The following MGAT4A variants were observed in gnomAD, a reference collection of about 807,000 sequenced individuals.
MGAT4A encodes the protein N-acetylglucosaminyltransferase IVa.
A neutral mutation model predicts 74.1 loss-of-function variants in MGAT4A; 33 were observed. The observed-to-expected ratio is 0.45, with a 90% CI of 0.34 to 0.60. The LOEUF is 0.60. MGAT4A is among the 20% of genes least tolerant of loss of function. The pLI, the probability that MGAT4A is intolerant of heterozygous loss-of-function variation, is 0.02. For synonymous variants in MGAT4A, 198 were observed against 210.4 expected (o/e 0.94, Z 0.51); for missense variants, 479 against 628.3 (o/e 0.76, Z 2.54).
chr2:98,681,685 A>G (rs1702062259), intron 2 of MGAT4A, among the ~76,000 whole-genome samples: 1 of 152,162 alleles, frequency 6.6e-6, no homozygotes, highest in African/African-American at 2.4e-5. Flanking sequence ...GCCGGGCGTG[A>G]TAGCTCACCC....
At chr2:98,674,800 T>G (rs1348556640) in intron 4 of MGAT4A, among the ~76,000 whole-genome samples, 2 of 152,226 alleles carry the variant, frequency 1.3e-5, no homozygotes, top group Non-Finnish European at 2.9e-5. Flanking sequence ...AACATTTGTC[T>G]GCCTGGGATG....
In MGAT4A at chr2:98,649,147, A is replaced by C. The variant is rs1701538927; in HGVS notation, c.775-3605T>G. Among the ~76,000 whole-genome samples, 6 of 152,380 alleles carry C rather than the reference A, an allele frequency of 3.9e-5. No individual in the cohort carries two copies. In the South Asian group the frequency reaches 1.2e-3, roughly 32 times the overall value. ...GATATCTGAATAACAGGACTTCAAG[A>C]AGGGATTAAAAATCACACCAATCTG... is the stretch of plus-strand genomic sequence containing the variant. On this transcript the variant is annotated intron_variant, in intron 8 of 15. Transcript: ENST00000393487.
At chr2:98,668,850 G>A (rs1023597095) in intron 4 of MGAT4A, among the ~76,000 whole-genome samples, 2 of 152,232 alleles carry the variant, frequency 1.3e-5, no homozygotes, top group African/African-American at 4.8e-5. Context: ...AATCATTTTG[G>A]AACTTTGAGA....
chr2:98,724,489 A>C (rs1281566389), intron 2 of MGAT4A, among the ~76,000 whole-genome samples: 1 of 152,256 alleles, frequency 6.6e-6, no homozygotes, highest in Non-Finnish European at 1.5e-5. Context: ...TGGAAAAAAC[A>C]CCAAGTAGAA....
intron 13 of MGAT4A, among the ~76,000 whole-genome samples, chr2:98,635,768 GGATCACGAGGTCAGGA>G (rs752931920): frequency 2.6e-5 from 4 of 151,910 alleles, no homozygotes; most frequent in Non-Finnish European, 4.4e-5. Context: ...CGAGGCGGGT[GGATCACGAGGTCAGGA>G]GATCAAGACC....
intron 1 of MGAT4A, among the ~76,000 whole-genome samples, chr2:98,727,781 A>G (rs1702786857): frequency 6.6e-6 from 1 of 152,234 alleles, no homozygotes; most frequent in African/African-American, 2.4e-5. Flanking sequence ...TAGTAAAGAA[A>G]GATCACAGGG....
intron 1 of MGAT4A, among the ~76,000 whole-genome samples, chr2:98,730,691 A>C (rs1214736092): frequency 2.0e-5 from 3 of 147,542 alleles, no homozygotes; most frequent in Non-Finnish European, 4.5e-5. Flanking sequence ...CACGCCGGGG[A>C]GCGCCAGGAA....
intron 5 of MGAT4A, among the ~76,000 whole-genome samples, chr2:98,661,928 CATGAGAAAAT>C (rs6146855): frequency 0.56 from 84,156 of 151,592 alleles, 26,067 homozygotes; most frequent in African/African-American, 0.84. Flanking sequence ...AAAATATAAT[CATGAGAAAAT>C]ATCAGATAAA....
intron 14 of MGAT4A, among the ~76,000 whole-genome samples, chr2:98,630,284 A>T (rs1290129413): frequency 6.6e-6 from 1 of 152,174 alleles, no homozygotes; most frequent in East Asian, 1.9e-4. Flanking sequence ...AAACACACAC[A>T]CTCACGTGGA....
At chr2:98,720,278 GACTGAGGAAAGAACATGACCCTC>G (rs1272190547) in intron 2 of MGAT4A, among the ~76,000 whole-genome samples, 42 of 152,344 alleles carry the variant, frequency 2.8e-4, no homozygotes, top group Non-Finnish European at 5.9e-5. Flanking sequence ...TGAATCTGTA[GACTGAGGAAAGAACATGACCCTC>G]ACCAATGTGG....
chr2:98,692,146 G>A (rs1469032218), intron 2 of MGAT4A, among the ~76,000 whole-genome samples: 1 of 152,116 alleles, frequency 6.6e-6, no homozygotes, highest in Non-Finnish European at 1.5e-5. Flanking sequence ...CCAGGCTAGA[G>A]TGCAGTGGCC....
At chr2:98,666,561 C>T (rs769756644) in intron 4 of MGAT4A, among the ~76,000 whole-genome samples, 88 of 151,920 alleles carry the variant, frequency 5.8e-4, no homozygotes, top group South Asian at 2.1e-4. Flanking sequence ...GGCATGGTGG[C>T]GCATGCCTGT....
intron 4 of MGAT4A, 186 bp from the exon 5 acceptor site, chr2:98,663,365 C>T: frequency 6.5e-7 from 1 of 1,527,738 alleles, no homozygotes; most frequent in Non-Finnish European, 8.8e-7. Context: ...TTCATTTTCA[C>T]ATGGCTTAAC....
chr2:98,722,960 G>A (rs947141933), intron 2 of MGAT4A, among the ~76,000 whole-genome samples: 1 of 152,044 alleles, frequency 6.6e-6, no homozygotes, highest in Admixed American at 6.6e-5. Flanking sequence ...AACTACTCCT[G>A]CCCCACTCTC....
intron 14 of MGAT4A, among the ~76,000 whole-genome samples, chr2:98,627,005 G>A (rs567426907): frequency 9.2e-5 from 14 of 152,170 alleles, no homozygotes; most frequent in African/African-American, 3.1e-4. Flanking sequence ...TTAGCCTTCC[G>A]GTATATTATT....
chr2:98,674,353 A>C (rs1481849280), intron 4 of MGAT4A, among the ~76,000 whole-genome samples: 1 of 152,230 alleles, frequency 6.6e-6, no homozygotes, highest in East Asian at 1.9e-4. Context: ...ACAAAGTCAA[A>C]ACAGCGGAAT....
At chr2:98,723,669 T>C (rs193207207) in intron 2 of MGAT4A, among the ~76,000 whole-genome samples, 86 of 152,298 alleles carry the variant, frequency 5.6e-4, no homozygotes, top group African/African-American at 1.8e-3. Context: ...GGATGAATAC[T>C]CTACTCCCCT....
At chr2:98,632,381 G>C (rs564017863) in intron 14 of MGAT4A, among the ~76,000 whole-genome samples, 1 of 152,246 alleles carries the variant, frequency 6.6e-6, no homozygotes, top group South Asian at 2.1e-4. Flanking sequence ...GTGGGTAAGG[G>C]AACTTTTCCC....
intron 8 of MGAT4A, among the ~76,000 whole-genome samples, chr2:98,649,264 G>A (rs1701541386): frequency 6.6e-6 from 1 of 152,162 alleles, no homozygotes; most frequent in Non-Finnish European, 1.5e-5. Flanking sequence ...ATCCTCTACT[G>A]TAAAAGAGGG....
Sources: gnomAD v4.1 joint callset for allele counts (sites outside exome capture counted in the v4.1 genomes callset) on GRCh38, gnomAD v4.1.1 for gene constraint, MANE v1.5 for transcripts, NCBI Gene and HGNC (gene_info 2026-07-23, HGNC 2026-07-21) for gene names.